The following DZIP3 variants were observed in gnomAD, a reference collection of about 807,000 sequenced individuals.
DZIP3 encodes DAZ interacting zinc finger protein 3, also known as E3 ubiquitin-protein ligase DZIP3.
A neutral mutation model predicts 162.0 loss-of-function variants in DZIP3; 118 were observed. The ratio of observed to expected loss-of-function variants is 0.73; its 90% CI spans 0.63 to 0.85. The LOEUF (loss-of-function observed/expected upper bound fraction) is 0.85. Among genes scored for constraint, DZIP3 ranks in the 40% least tolerant of loss-of-function variants. The probability of loss-of-function intolerance (pLI) is 0.00; values close to 1 mark genes in which losing one functional copy is unlikely to be tolerated. For missense variants in DZIP3, 1,331 were observed against 1,407.0 expected (o/e 0.95, Z 0.86); for synonymous variants, 438 against 458.6 (o/e 0.96, Z 0.57).
At chr3:108,641,380 G>A (rs1411549169) in intron 12 of DZIP3, among the ~76,000 whole-genome samples, 1 of 152,010 alleles carries the variant, frequency 6.6e-6, no homozygotes, top group African/African-American at 2.4e-5. Context: ...TACTATTATA[G>A]TTGTAGTGTT....
At chr3:108,680,034 G>A (rs1213168845) in intron 26 of DZIP3, among the ~76,000 whole-genome samples, 2 of 151,764 alleles carry the variant, frequency 1.3e-5, no homozygotes, top group Non-Finnish European at 2.9e-5. Flanking sequence ...ACAGAAAGAA[G>A]GACAAAAACC....
At chr3:108,623,058 T>C (rs551744381) in intron 5 of DZIP3, among the ~76,000 whole-genome samples, 1 of 151,948 alleles carries the variant, frequency 6.6e-6, no homozygotes, top group African/African-American at 2.4e-5. Flanking sequence ...GTCTCTTCTT[T>C]CTGAGCAGTG....
intron 9 of DZIP3, among the ~76,000 whole-genome samples, chr3:108,634,285 C>G (rs1942038045): frequency 6.6e-6 from 1 of 152,102 alleles, no homozygotes; most frequent in Non-Finnish European, 1.5e-5. Flanking sequence ...GGGTTCTAAT[C>G]AAATGAACAA....
At chr3:108,589,520 C>G, upstream of DZIP3, 1 of 585,312 alleles carries the variant, frequency 1.7e-6, no homozygotes, top group Non-Finnish European at 3.0e-6. Flanking sequence ...AGTCCCTAGG[C>G]ACCCTAGGGG....
Position 108,688,620 on chromosome 3 carries a change from A to G in DZIP3, c.3298A>G (p.Asn1100Asp). 1 of 1,613,264 alleles carries G rather than the reference A, an allele frequency of 6.2e-7. No individual in the cohort carries two copies. The highest frequency in any genetic ancestry group is 8.5e-7 in the Non-Finnish European group (1 of 1,179,810). ...TCAAGGAAAATCAGTGTCAAATGTT[A>G]ATTGTGTTTCACCTAGTCATTCTCC... ...QSQGKSVSNV[N>D]CVSPSHSPSQ... Residue 1100 changes from asparagine to aspartate, a missense_variant, in exon 30 of 33, where the codon AAT becomes GAT. Transcript: ENST00000361582.
At chr3:108,611,350 T>C (rs773814140) in intron 4 of DZIP3, 21 bp downstream of exon 4, 2 of 1,610,222 alleles carry the variant, frequency 1.2e-6, no homozygotes, top group Admixed American at 1.7e-5. Flanking sequence ...AAGTTGTTAT[T>C]TGGGGCAGAA....
rs78756219 is a variant in DZIP3 at position 108,602,478 on chromosome 3, T to G, written c.-72-2857T>G. Among the ~76,000 whole-genome samples, 252 of 152,312 alleles carry G rather than the reference T, an allele frequency of 1.7e-3. 8 individuals carry two copies. The East Asian group carries it at 0.044, about 27-fold the overall frequency. ...TGTGCTGTAAATTGACATTGAACTT[T>G]AGCTTGCCCTCAGATCAACCAACAA... On this transcript the variant is annotated intron_variant, in intron 1 of 32. Transcript: ENST00000361582.
At chr3:108,600,660 C>A (rs1939955506) in intron 1 of DZIP3, among the ~76,000 whole-genome samples, 1 of 152,084 alleles carries the variant, frequency 6.6e-6, no homozygotes, top group Non-Finnish European at 1.5e-5. Flanking sequence ...CAAACCTAAA[C>A]AGTTAAATGA....
chr3:108,668,008 G>C (rs1943752523), intron 21 of DZIP3, among the ~76,000 whole-genome samples: 1 of 152,092 alleles, frequency 6.6e-6, no homozygotes, highest in Non-Finnish European at 1.5e-5. Context: ...CATTGCCCAA[G>C]AGTATGTGAT....
chr3:108,655,895 A>G (rs1333078321), intron 19 of DZIP3, among the ~76,000 whole-genome samples: 1 of 151,928 alleles, frequency 6.6e-6, no homozygotes, highest in Non-Finnish European at 1.5e-5. Flanking sequence ...AGCCTCACTC[A>G]TTGCTAGCAC....
At chr3:108,661,813 C>A in intron 19 of DZIP3, 64 bp from the exon 20 acceptor site, 1 of 1,393,688 alleles carries the variant, frequency 7.2e-7, no homozygotes, top group Non-Finnish European at 1.0e-6. Context: ...CTTTAAATCC[C>A]TTTCAAATAA....
intron 8 of DZIP3, among the ~76,000 whole-genome samples, chr3:108,631,047 ACACACACACTCTCTCTCT>A (rs1440453016): frequency 2.8e-5 from 2 of 72,490 alleles, no homozygotes; most frequent in Non-Finnish European, 5.2e-5. Context: ...ACACACACAC[ACACACACACTCTCTCTCT>A]CTCTCTCTCT....
At chr3:108,660,974 G>A (rs2107293573) in intron 19 of DZIP3, among the ~76,000 whole-genome samples, 1 of 152,264 alleles carries the variant, frequency 6.6e-6, no homozygotes, top group Admixed American at 6.5e-5. Context: ...TCATTAAAAA[G>A]TCAGGAAACA....
intron 1 of DZIP3, among the ~76,000 whole-genome samples, chr3:108,597,266 A>G (rs372618403): frequency 1.3e-5 from 2 of 152,298 alleles, no homozygotes; most frequent in African/African-American, 2.4e-5. Context: ...TTCTTTTTAT[A>G]CATTTCACAG....
intron 5 of DZIP3, among the ~76,000 whole-genome samples, chr3:108,621,894 T>G (rs1318133975): frequency 1.3e-5 from 2 of 152,036 alleles, no homozygotes; most frequent in Non-Finnish European, 2.9e-5. Flanking sequence ...GAAAATATGG[T>G]ACATATACAC....
rs763460877 is a variant in DZIP3 at position 108,648,055 on chromosome 3, A to C, written c.1905A>C (p.Lys635Asn). Reference protein sequence around the residue: ...HPEIQFAEINKDGTSIPSESS... With the variant: ...HPEIQFAEINNDGTSIPSESS... ...AGATACAGTTTGCAGAAATTAATAAAGATGGGACCTCAATACCCAGTGAAT... is the reference window on the plus strand; with the variant it reads ...AGATACAGTTTGCAGAAATTAATAACGATGGGACCTCAATACCCAGTGAAT... The change falls in exon 16 of 33, where the codon AAA (lysine) becomes AAC (asparagine). Residue 635 changes from lysine (K) to asparagine (N), a missense_variant. Physicochemically the swap from Lys to Asn is moderately conservative, Grantham distance 94. This residue lies in a region of DZIP3 where 1,278 missense variants were observed against 1,317.1 expected (regional missense o/e 0.97). Transcript: ENST00000361582. 1 of 1,612,336 alleles carries C rather than the reference A, an allele frequency of 6.2e-7. No homozygotes were observed. The highest frequency in any genetic ancestry group is 1.3e-5 in the African/African-American group (1 of 74,824).
intron 3 of DZIP3, 33 bp from the exon 4 acceptor site, chr3:108,611,141 C>T: frequency 6.5e-7 from 1 of 1,539,062 alleles, no homozygotes; most frequent in Middle Eastern, 2.0e-4. Context: ...AATATGCAAA[C>T]TGTGTAAATT....
chr3:108,661,639 T>TAAAA (rs906116661), intron 19 of DZIP3, among the ~76,000 whole-genome samples: 4 of 150,706 alleles, frequency 2.7e-5, no homozygotes, highest in African/African-American at 9.8e-5. Flanking sequence ...GTATAATAAT[T>TAAAA]AAAAAAAAAG....
At chr3:108,604,560 AT>A (rs1940217100) in intron 1 of DZIP3, among the ~76,000 whole-genome samples, 1 of 152,140 alleles carries the variant, frequency 6.6e-6, no homozygotes, top group South Asian at 2.1e-4. Flanking sequence ...CTTTGTTTTC[AT>A]TTGTGTTGCC....
Sources: allele counts gnomAD v4.1 joint callset (sites outside exome capture counted in the v4.1 genomes callset), GRCh38; gene constraint gnomAD v4.1.1; regional missense constraint gnomAD v4.1.1; transcripts MANE v1.5; gene names NCBI Gene and HGNC (gene_info 2026-07-23, HGNC 2026-07-21).